Variants in SCEL observed in about 807,000 individuals in gnomAD.
The protein encoded by SCEL is sciellin.
In SCEL, 113 loss-of-function variants were observed where a neutral mutation model predicts 117.6. The observed-to-expected ratio is 0.96, with a 90% CI of 0.83 to 1.12. SCEL has a LOEUF of 1.12. SCEL is among the 50% of genes most tolerant of loss of function. The pLI is 0.00. For synonymous variants in SCEL, 270 were observed against 256.2 expected (o/e 1.05, Z -0.51); for missense variants, 785 against 810.8 (o/e 0.97, Z 0.39).
intron 4 of SCEL, among the ~76,000 whole-genome samples, chr13:77,562,912 A>G (rs2085065299): frequency 6.6e-6 from 1 of 152,216 alleles, no homozygotes; most frequent in African/African-American, 2.4e-5. Flanking sequence ...TACTTTGGAT[A>G]TGATGGCTTT....
At chr13:77,644,128 T>C (rs569968229) in intron 32 of SCEL, 130 bp from the exon 33 acceptor site, 1 of 963,970 alleles carries the variant, frequency 1.0e-6, no homozygotes, top group South Asian at 1.5e-5. Context: ...ACAGCGATTA[T>C]TTCAGAAGTG....
At chr13:77,556,244 CT>C (rs1418895024) in intron 2 of SCEL, among the ~76,000 whole-genome samples, 1 of 152,128 alleles carries the variant, frequency 6.6e-6, no homozygotes, top group Non-Finnish European at 1.5e-5. Context: ...TAAAAACAGT[CT>C]TTTGTGGGCT....
Position 77,644,452 on chromosome 13 carries a change from A to G in SCEL, c.*178A>G, listed in dbSNP as rs2090702806. 2.0e-5 allele frequency: 12 copies of G among 610,858 alleles called. No individual in the cohort carries two copies. The highest frequency in any genetic ancestry group is 3.4e-5 in the Non-Finnish European group (12 of 357,404). The allele number at this position is 610,858 out of a possible 1,614,324, so 37.8% of individuals were successfully genotyped here. A position where few individuals can be genotyped will look rare whatever the true frequency, so the allele number is the denominator to read the frequency against. On this transcript the variant is annotated 3_prime_UTR_variant, in exon 33 of 33. Coordinates refer to ENST00000349847, the MANE Select transcript of SCEL (RefSeq NM_144777.3). ...TGTCTTCAATAAGGTCACACACATA[A>G]AAAGAGCCATCTGGTCTCTGGCTAG...
Position 77,593,300 on chromosome 13 carries a change from G to GTGTGTGCGCGTC in SCEL, c.693-208_693-207insCGCGTCTGTGTG, listed in dbSNP as rs1555510797. Among the ~76,000 whole-genome samples, 226 of 145,196 alleles carry GTGTGTGCGCGTC rather than the reference G, an allele frequency of 1.6e-3. 4 individuals are homozygous for GTGTGTGCGCGTC. Among genetic ancestry groups the GTGTGTGCGCGTC allele is most frequent in the African/African-American group, 3.9e-3 (154 of 39,118 alleles). Reference sequence around the variant, plus strand: ...TGTGTGTGTGTGTGTGTGTGTGTCTGTGTGTGTGTGTGTGTGTGTCAGTGG... The same window carrying GTGTGTGCGCGTC: ...TGTGTGTGTGTGTGTGTGTGTGTCTGTGTGTGCGCGTCTGTGTGTGTGTGTGTGTGTCAGTGG... On this transcript the variant is annotated intron_variant, in intron 11 of 32. Transcript: ENST00000349847.
At chr13:77,575,983 C>T (rs1028852952) in intron 9 of SCEL, among the ~76,000 whole-genome samples, 4 of 152,302 alleles carry the variant, frequency 2.6e-5, no homozygotes, top group Middle Eastern at 3.4e-3. Flanking sequence ...TGATCAAATT[C>T]CTGCTTCACT....
intron 1 of SCEL, among the ~76,000 whole-genome samples, chr13:77,546,659 A>G (rs1041325270): frequency 6.6e-6 from 1 of 151,916 alleles, no homozygotes; most frequent in African/African-American, 2.4e-5. Flanking sequence ...GAGGAAGAGC[A>G]TAAGGCTTGA....
chr13:77,626,390 C>T (rs185207784), intron 27 of SCEL, among the ~76,000 whole-genome samples: 4 of 152,326 alleles, frequency 2.6e-5, no homozygotes. Flanking sequence ...ATTTTATTTA[C>T]ATTAACTTAC....
intron 11 of SCEL, among the ~76,000 whole-genome samples, chr13:77,593,296 G>C (rs866308258): frequency 3.7e-3 from 198 of 53,596 alleles, no homozygotes; most frequent in East Asian, 0.013. Flanking sequence ...GTGTGTGTGT[G>C]TCTGTGTGTG....
At chr13:77,633,789 A>T (rs979460952) in intron 28 of SCEL, among the ~76,000 whole-genome samples, 20 of 152,228 alleles carry the variant, frequency 1.3e-4, no homozygotes, top group Non-Finnish European at 2.8e-4. Context: ...GAAATTTCTA[A>T]TTTTATGTGG....
chr13:77,552,037 T>C (rs1290333693), intron 1 of SCEL, among the ~76,000 whole-genome samples: 1 of 152,022 alleles, frequency 6.6e-6, no homozygotes, highest in African/African-American at 2.4e-5. Flanking sequence ...TCATTTTTTA[T>C]GGCTGCATAG....
At chr13:77,624,659 A>C (rs927475891) in intron 27 of SCEL, among the ~76,000 whole-genome samples, 1 of 152,216 alleles carries the variant, frequency 6.6e-6, no homozygotes, top group Non-Finnish European at 1.5e-5. Context: ...AAAGGAAAGA[A>C]ATATAATATA....
At chr13:77,595,365 T>A (rs898297621) in intron 12 of SCEL, among the ~76,000 whole-genome samples, 2 of 152,232 alleles carry the variant, frequency 1.3e-5, no homozygotes, top group African/African-American at 4.8e-5. Flanking sequence ...GTTACTGCTA[T>A]CTGATTAAGA....
At chr13:77,623,627 GT>G (rs1465164213) in intron 27 of SCEL, among the ~76,000 whole-genome samples, 1 of 152,190 alleles carries the variant, frequency 6.6e-6, no homozygotes, top group Admixed American at 6.5e-5. Flanking sequence ...GCACGCATAG[GT>G]TGCAATTTTG....
intron 5 of SCEL, among the ~76,000 whole-genome samples, chr13:77,566,475 A>G (rs951404310): frequency 2.7e-5 from 4 of 150,442 alleles, no homozygotes; most frequent in African/African-American, 9.7e-5. Flanking sequence ...AACCTTCCTT[A>G]TTTGTGCTTT....
chr13:77,539,693 C>A (rs2083597390), intron 1 of SCEL, among the ~76,000 whole-genome samples: 1 of 152,094 alleles, frequency 6.6e-6, no homozygotes, highest in African/African-American at 2.4e-5. Flanking sequence ...CACCACCACG[C>A]CCAGCTGATT....
chr13:77,632,114 A>T (rs2090051153), intron 28 of SCEL, among the ~76,000 whole-genome samples: 2 of 152,222 alleles, frequency 1.3e-5, no homozygotes, highest in Non-Finnish European at 2.9e-5. Context: ...GATGACCTTT[A>T]TTACCTCCTT....
chr13:77,616,004 C>A (rs1407986), intron 24 of SCEL, among the ~76,000 whole-genome samples: 2 of 114,238 alleles, frequency 1.8e-5, no homozygotes, highest in South Asian at 5.6e-4. Flanking sequence ...TTATGTCTCT[C>A]TGTGTGTGTG....
At chr13:77,545,639 G>C (rs777961354) in intron 1 of SCEL, among the ~76,000 whole-genome samples, 1 of 152,238 alleles carries the variant, frequency 6.6e-6, no homozygotes, top group African/African-American at 2.4e-5. Context: ...TTACACCTTA[G>C]AGGCTTTACA....
intron 30 of SCEL, among the ~76,000 whole-genome samples, chr13:77,639,517 G>A (rs749790238): frequency 2.6e-5 from 4 of 152,014 alleles, no homozygotes; most frequent in Non-Finnish European, 5.9e-5. Flanking sequence ...TCCTGGGTAC[G>A]ACTAACTCAT....
Sources: allele counts gnomAD v4.1 joint callset (sites outside exome capture counted in the v4.1 genomes callset), GRCh38; gene constraint gnomAD v4.1.1; transcripts MANE v1.5; gene names NCBI Gene and HGNC (gene_info 2026-07-23, HGNC 2026-07-21).